COL5A2: variants seen among roughly 807,000 people sequenced by gnomAD.
COL5A2 encodes the protein collagen type V alpha 2 chain.
A neutral mutation model predicts 208.2 loss-of-function variants in COL5A2; 23 were observed. The ratio of observed to expected loss-of-function variants is 0.11; its 90% CI spans 0.08 to 0.16. COL5A2 has a LOEUF of 0.16. COL5A2 is among the 10% of genes least tolerant of loss of function. The probability of loss-of-function intolerance (pLI) is 1.00; values close to 1 mark genes in which losing one functional copy is unlikely to be tolerated. For missense variants in COL5A2, 1,590 were observed against 1,956.4 expected, an observed-to-expected ratio of 0.81 and a Z score of 3.53; for synonymous variants, 625 against 628.5, an observed-to-expected ratio of 0.99 and a Z score of 0.08.
At chr2:189,071,618 A>G (rs1397096945) in intron 18 of COL5A2, among the ~76,000 whole-genome samples, 1 of 152,176 alleles carries the variant, frequency 6.6e-6, no homozygotes, top group Non-Finnish European at 1.5e-5. Context: ...TGAAAATGTT[A>G]GATGCCTTTT....
chr2:189,164,273 T>C (rs1274528492), intron 1 of COL5A2, among the ~76,000 whole-genome samples: 2 of 152,172 alleles, frequency 1.3e-5, no homozygotes, highest in African/African-American at 2.4e-5. Context: ...GTAATAATAA[T>C]AGTGATTCAG....
chr2:189,062,839 C>T, intron 29 of COL5A2, 26 bp downstream of exon 29: 1 of 1,612,782 alleles, frequency 6.2e-7, no homozygotes, highest in Non-Finnish European at 8.5e-7. Context: ...TATATTCTCA[C>T]ACACACACAC....
chr2:189,392,390 TC>T, the COL5A2 span, among the ~76,000 whole-genome samples: 1 of 152,178 alleles, frequency 6.6e-6, no homozygotes, highest in Non-Finnish European at 1.5e-5. Context: ...TCTCCTCCAC[TC>T]CTGATTATCC....
At chr2:189,390,831 A>C in the COL5A2 span, among the ~76,000 whole-genome samples, 1 of 152,198 alleles carries the variant, frequency 6.6e-6, no homozygotes, top group Non-Finnish European at 1.5e-5. Flanking sequence ...CCATTTCCCC[A>C]ATTTATTCAG....
At chr2:189,229,440 AC>A (rs1313230162), upstream of COL5A2, among the ~76,000 whole-genome samples, 36 of 47,836 alleles carry the variant, frequency 7.5e-4, no homozygotes, top group Non-Finnish European at 1.4e-3. Flanking sequence ...ATACACACAC[AC>A]AAAAAAAAAA....
At chr2:189,138,880 AC>A (rs373497318) in intron 1 of COL5A2, among the ~76,000 whole-genome samples, 2 of 152,342 alleles carry the variant, frequency 1.3e-5, no homozygotes, top group African/African-American at 4.8e-5. Flanking sequence ...ATGAGTCCAT[AC>A]CGATGTAAAT....
chr2:189,213,405 C>CA (rs1004213367), intron 1 of COL5A2, among the ~76,000 whole-genome samples: 5 of 152,004 alleles, frequency 3.3e-5, no homozygotes, highest in African/African-American at 1.2e-4. Flanking sequence ...GAAAGTGTGC[C>CA]AAAACACGTC....
At chr2:189,266,061 G>A in the COL5A2 span, among the ~76,000 whole-genome samples, 2 of 152,250 alleles carry the variant, frequency 1.3e-5, no homozygotes, top group South Asian at 2.1e-4. Context: ...CAAGCCAAAT[G>A]TCCATCAACT....
In COL5A2 at chr2:189,034,972, T is replaced by A. The variant is rs1409867440; in HGVS notation, c.4297A>T (p.Ile1433Phe). The change falls in exon 53 of 54, where the codon ATC (isoleucine) becomes TTC (phenylalanine). Residue 1433 changes from isoleucine to phenylalanine, a missense_variant. Ile to Phe is a conservative substitution (Grantham distance 21, BLOSUM62 0). Transcript: ENST00000374866. Reference sequence around the variant, plus strand: ...AATCTAATATTTCCCTCTGCTTTGATATCTAAGTCATTTGCCCCTTTGAGA... The same window carrying A: ...AATCTAATATTTCCCTCTGCTTTGAAATCTAAGTCATTTGCCCCTTTGAGA... ...VVLKGANDLDIKAEGNIRFRY... is the reference protein window; with the variant it reads ...VVLKGANDLDFKAEGNIRFRY... 3 of 1,613,964 alleles carry A rather than the reference T, an allele frequency of 1.9e-6. No homozygotes were observed. Among genetic ancestry groups the A allele is most frequent in the Non-Finnish European group, 2.5e-6 (3 of 1,179,888 alleles).
Position 189,061,624 on chromosome 2 carries a change from T to G in COL5A2, c.1978-9A>C. The G allele has an allele frequency of 6.2e-7, 1 of 1,609,788 alleles. No homozygotes were observed. Among genetic ancestry groups the G allele is most frequent in the South Asian group, 1.1e-5 (1 of 91,030 alleles). ...CTTTCACCAGCTAGACCCTAAGTTG[T>G]GAAGGAGAAAATAATTGTGAATATA... On this transcript the variant is annotated splice_polypyrimidine_tract_variant and intron_variant, in intron 29 of 53. Transcript: ENST00000374866.
chr2:189,405,512 G>A, the COL5A2 span, among the ~76,000 whole-genome samples: 17 of 152,310 alleles, frequency 1.1e-4, 1 homozygote, highest in South Asian at 2.9e-3. Flanking sequence ...TTATAGGTGT[G>A]AGCCACCGTG....
chr2:189,032,668 A>C lies in COL5A2; in HGVS notation c.*1402T>G, dbSNP rs11186. On this transcript the variant is annotated 3_prime_UTR_variant, in exon 54 of 54. Transcript: ENST00000374866. ...CAAATGCAATTAAGAAAAAAAAAGT[A>C]TTGAGACACAAGGGGACCTACATGT... 14,547 of 152,420 alleles carry C rather than the reference A, an allele frequency of 0.095. 720 individuals carry two copies. Among genetic ancestry groups the C allele is most frequent in the South Asian group, 0.15 (722 of 4,818 alleles). 9.4% of individuals were successfully genotyped at this position (152,420 alleles called of 1,614,324 possible).
chr2:189,128,701 G>A (rs373958420), intron 1 of COL5A2, among the ~76,000 whole-genome samples: 15 of 151,838 alleles, frequency 9.9e-5, no homozygotes, highest in African/African-American at 3.6e-4. Context: ...AATTACTATC[G>A]TCCTCACAAT....
chr2:189,184,743 C>T (rs1216075619), upstream of COL5A2, among the ~76,000 whole-genome samples: 2 of 152,112 alleles, frequency 1.3e-5, no homozygotes, highest in African/African-American at 4.8e-5. Flanking sequence ...TCACATCAGC[C>T]AAGTCCTTTC....
intron 1 of COL5A2, among the ~76,000 whole-genome samples, chr2:189,157,140 C>CTA (rs1688267797): frequency 2.2e-5 from 1 of 46,252 alleles, no homozygotes; most frequent in African/African-American, 1.7e-4. Context: ...ATATATATAT[C>CTA]TATATATCTT....
chr2:189,032,884 T>C lies in COL5A2; in HGVS notation c.*1186A>G, dbSNP rs1225222694. On this transcript the variant is annotated 3_prime_UTR_variant, in exon 54 of 54. Transcript: ENST00000374866. ...TATAGGAAGAATTTTAGCACCATCA[T>C]TAAAGGAAAAATAATAATACCTTTT... The C allele has an allele frequency of 6.6e-6, 1 of 152,590 alleles. No homozygotes were observed. The highest frequency in any genetic ancestry group is 2.4e-5 in the African/African-American group (1 of 41,450). 9.5% of individuals were successfully genotyped at this position (152,590 alleles called of 1,614,324 possible).
At chr2:189,324,830 G>T in the COL5A2 span, among the ~76,000 whole-genome samples, 105 of 152,230 alleles carry the variant, frequency 6.9e-4, no homozygotes, top group African/African-American at 2.4e-3. Flanking sequence ...TATACCCAAA[G>T]GAATATAAAT....
chr2:189,433,313 G>A, the COL5A2 span, among the ~76,000 whole-genome samples: 2 of 152,006 alleles, frequency 1.3e-5, no homozygotes, highest in African/African-American at 4.8e-5. Flanking sequence ...CTAGCAGAAG[G>A]CAAGAAATAA....
the COL5A2 span, among the ~76,000 whole-genome samples, chr2:189,409,009 T>C: frequency 5.9e-5 from 9 of 152,092 alleles, no homozygotes; most frequent in Admixed American, 3.9e-4. Context: ...CATTCCCTTA[T>C]TTGAAGTTTC....
Sources: allele counts gnomAD v4.1 joint callset (sites outside exome capture counted in the v4.1 genomes callset), GRCh38; gene constraint gnomAD v4.1.1; transcripts MANE v1.5; gene names NCBI Gene and HGNC (gene_info 2026-07-23, HGNC 2026-07-21).